RBFOX1: variants seen among roughly 807,000 people sequenced by gnomAD.
The protein encoded by RBFOX1 is RNA binding protein fox-1 homolog 1.
A neutral mutation model predicts 57.7 loss-of-function variants in RBFOX1; 8 were observed. The observed-to-expected ratio is 0.14, with a 90% CI of 0.08 to 0.25. RBFOX1 has a LOEUF of 0.25. Among genes scored for constraint, RBFOX1 ranks in the 10% least tolerant of loss-of-function variants. The pLI, the probability that RBFOX1 is intolerant of heterozygous loss-of-function variation, is 1.00. For synonymous variants in RBFOX1, 326 were observed against 222.4 expected (o/e 1.47, Z -4.15); for missense variants, 611 against 548.5 (o/e 1.11, Z -1.14).
intron 1 of RBFOX1, among the ~76,000 whole-genome samples, chr16:5,378,251 G>C (rs913276028): frequency 4.0e-5 from 6 of 151,716 alleles, no homozygotes; most frequent in African/African-American, 1.5e-4. Flanking sequence ...GGATCTCCTG[G>C]GATGTGGGAC....
chr16:7,657,904 C>T (rs542839559), intron 12 of RBFOX1, among the ~76,000 whole-genome samples: 1 of 152,152 alleles, frequency 6.6e-6, no homozygotes, highest in Non-Finnish European at 1.5e-5. Context: ...TCTACATAGC[C>T]TATGGAATTT....
intron 4 of RBFOX1, among the ~76,000 whole-genome samples, chr16:5,981,326 G>C (rs956941421): frequency 2.6e-5 from 4 of 152,198 alleles, no homozygotes; most frequent in Non-Finnish European, 5.9e-5. Flanking sequence ...AGCCCCTGGG[G>C]ACACAGGTTC....
chr16:5,877,846 C>T (rs1418526814), intron 4 of RBFOX1, among the ~76,000 whole-genome samples: 1 of 152,300 alleles, frequency 6.6e-6, no homozygotes, highest in East Asian at 1.9e-4. Flanking sequence ...GCAGTAAGTC[C>T]TGGGTGTTCC....
At chr16:5,668,428 G>C (rs536041195) in intron 3 of RBFOX1, among the ~76,000 whole-genome samples, 2 of 152,324 alleles carry the variant, frequency 1.3e-5, no homozygotes, top group South Asian at 4.1e-4. Context: ...AGAAAGAGAA[G>C]TGCTTCAAAA....
chr16:7,325,872 C>A (rs904562361), intron 4 of RBFOX1, among the ~76,000 whole-genome samples: 2 of 152,152 alleles, frequency 1.3e-5, no homozygotes, highest in African/African-American at 4.8e-5. Flanking sequence ...GCGGTCCATG[C>A]TAGGTAATGC....
At chr16:6,390,811 A>G (rs1370354288) in intron 2 of RBFOX1, among the ~76,000 whole-genome samples, 1 of 152,250 alleles carries the variant, frequency 6.6e-6, no homozygotes, top group African/African-American at 2.4e-5. Context: ...TGGGGCAGGA[A>G]GGAGGCTGGA....
chr16:7,504,738 TATA>T (rs2072362898), intron 4 of RBFOX1, among the ~76,000 whole-genome samples: 1 of 10,560 alleles, frequency 9.5e-5, no homozygotes, highest in Non-Finnish European at 2.3e-4. Context: ...TATATATATA[TATA>T]TATATATATA....
intron 3 of RBFOX1, chr16:6,774,082 C>G (rs907861713): frequency 1.2e-6 from 1 of 839,574 alleles, no homozygotes; most frequent in Non-Finnish European, 1.4e-6. Flanking sequence ...AATTTCCTAG[C>G]TTTAAATTAC....
chr16:5,486,814 T>G (rs2042644384), intron 2 of RBFOX1, among the ~76,000 whole-genome samples: 1 of 152,000 alleles, frequency 6.6e-6, no homozygotes, highest in African/African-American at 2.4e-5. Context: ...TTAACTTAAA[T>G]TTTTCTTTAA....
At chr16:6,924,029 GTA>G (rs2075047860) in intron 3 of RBFOX1, among the ~76,000 whole-genome samples, 1 of 151,602 alleles carries the variant, frequency 6.6e-6, no homozygotes, top group Non-Finnish European at 1.5e-5. Flanking sequence ...CATTAGTCAG[GTA>G]TGGTGGTACG....
chr16:5,672,174 A>T (rs938117622), intron 3 of RBFOX1, among the ~76,000 whole-genome samples: 1 of 152,114 alleles, frequency 6.6e-6, no homozygotes, highest in Non-Finnish European at 1.5e-5. Context: ...GCAGGGATGG[A>T]AGGATTCCAT....
rs1219015262 is a variant in RBFOX1 at position 6,625,816 on chromosome 16, A to AT, written c.-63-28784dup. On this transcript the variant is annotated intron_variant, in intron 2 of 15. Coordinates refer to ENST00000550418, the MANE Select transcript of RBFOX1 (RefSeq NM_018723.4). ...GAAGGAGAATGATGATTATCAGCTA[A>AT]TTTAATTATGTTTCTACATTTGCAG... Among the ~76,000 whole-genome samples, 3 of 152,174 alleles carry AT rather than the reference A, an allele frequency of 2.0e-5. No individual in the cohort carries two copies. The East Asian group carries it at 5.8e-4, about 29-fold the overall frequency.
chr16:6,807,126 G>A (rs898364624), intron 3 of RBFOX1, among the ~76,000 whole-genome samples: 2 of 151,716 alleles, frequency 1.3e-5, no homozygotes, highest in Admixed American at 6.6e-5. Flanking sequence ...AAGCCACCGT[G>A]CCCAGCCTCT....
intron 1 of RBFOX1, among the ~76,000 whole-genome samples, chr16:6,118,826 C>T (rs577363814): frequency 2.0e-5 from 3 of 150,890 alleles, no homozygotes; most frequent in Non-Finnish European, 4.4e-5. Flanking sequence ...TCCCTCCTTC[C>T]TCTTTCTCTC....
intron 3 of RBFOX1, among the ~76,000 whole-genome samples, chr16:7,007,680 A>T (rs1196432140): frequency 1.3e-5 from 2 of 152,092 alleles, no homozygotes; most frequent in Admixed American, 1.3e-4. Flanking sequence ...CTTTAACATG[A>T]TTTTGCATGT....
At chr16:6,225,196 C>A (rs17139580) in intron 1 of RBFOX1, among the ~76,000 whole-genome samples, 131 of 149,250 alleles carry the variant, frequency 8.8e-4, no homozygotes, top group African/African-American at 2.9e-3. Flanking sequence ...AATCCCAATA[C>A]GTGCTAACTG....
At chr16:5,608,959 TC>T (rs2047681672) in intron 3 of RBFOX1, among the ~76,000 whole-genome samples, 1 of 152,046 alleles carries the variant, frequency 6.6e-6, no homozygotes, top group African/African-American at 2.4e-5. Context: ...ACTCCTTTCT[TC>T]CCCCCATATC....
chr16:6,802,188 C>T (rs1008047677), intron 3 of RBFOX1, among the ~76,000 whole-genome samples: 6 of 152,046 alleles, frequency 3.9e-5, no homozygotes, highest in African/African-American at 7.2e-5. Flanking sequence ...GGTTGCATCC[C>T]AGCCTTTGTA....
chr16:5,468,050 G>A (rs1229868090), intron 2 of RBFOX1, among the ~76,000 whole-genome samples: 5 of 152,148 alleles, frequency 3.3e-5, no homozygotes, highest in African/African-American at 1.2e-4. Flanking sequence ...TCATTTAAGT[G>A]GTGATTAGGG....
Sources: gnomAD v4.1 joint callset for allele counts (sites outside exome capture counted in the v4.1 genomes callset) on GRCh38, gnomAD v4.1.1 for gene constraint, MANE v1.5 for transcripts, NCBI Gene and HGNC (gene_info 2026-07-23, HGNC 2026-07-21) for gene names.